PARM1: variants seen among roughly 807,000 people sequenced by gnomAD.
PARM1 encodes WSC4, cell wall integrity and stress response component 4 homolog.
In PARM1, 14 loss-of-function variants were observed where a neutral mutation model predicts 24.6. The ratio of observed to expected loss-of-function variants is 0.57; its 90% CI spans 0.38 to 0.89. PARM1 has a LOEUF of 0.89. PARM1 is among the 40% of genes least tolerant of loss of function. The pLI, the probability that PARM1 is intolerant of heterozygous loss-of-function variation, is 0.00. For synonymous variants in PARM1, 179 were observed against 156.6 expected, an observed-to-expected ratio of 1.14 and a Z score of -1.07; for missense variants, 362 against 380.4, an observed-to-expected ratio of 0.95 and a Z score of 0.40.
At chr4:74,936,608 C>T (rs1447576610) in intron 1 of PARM1, among the ~76,000 whole-genome samples, 1 of 151,884 alleles carries the variant, frequency 6.6e-6, no homozygotes, top group South Asian at 2.1e-4. Flanking sequence ...CGCCCGCCAC[C>T]ACACCCGTCT....
chr4:74,951,358 C>CT (rs1010160728), intron 1 of PARM1, among the ~76,000 whole-genome samples: 3 of 152,132 alleles, frequency 2.0e-5, no homozygotes, highest in Non-Finnish European at 2.9e-5. Flanking sequence ...GCCTCCTGCA[C>CT]TTTTTTTAGC....
chr4:75,029,149 AC>A (rs1311610235), intron 2 of PARM1, among the ~76,000 whole-genome samples: 2 of 152,134 alleles, frequency 1.3e-5, no homozygotes, highest in East Asian at 3.9e-4. Flanking sequence ...AAATGATGCC[AC>A]AGTTGATTCC....
Position 75,047,998 on chromosome 4 carries a change from T to C in PARM1, c.*1751T>C, listed in dbSNP as rs926481771. 6 of 152,194 alleles carry C rather than the reference T, an allele frequency of 3.9e-5. No homozygotes were observed. The highest frequency in any genetic ancestry group is 3.2e-3 in the Middle Eastern group (1 of 316). 9.4% of individuals were successfully genotyped at this position (152,194 alleles called of 1,614,324 possible). ...ACATTGGGTCCGACTTCAAAATGTG[T>C]TGTATTGTCCTACAGTGTCATAAAG... On this transcript the variant is annotated 3_prime_UTR_variant, in exon 4 of 4. Transcript: ENST00000307428.
intron 1 of PARM1, among the ~76,000 whole-genome samples, chr4:74,993,535 C>T (rs573936790): frequency 8.7e-4 from 132 of 152,094 alleles, no homozygotes; most frequent in Non-Finnish European, 1.6e-3. Flanking sequence ...TGTTATGCAG[C>T]CATGTATAAC....
chr4:74,935,729 G>A (rs1490981816), intron 1 of PARM1, among the ~76,000 whole-genome samples: 1 of 152,134 alleles, frequency 6.6e-6, no homozygotes, highest in East Asian at 1.9e-4. Context: ...TCCTCTCAAA[G>A]TATACATAGT....
intron 2 of PARM1, among the ~76,000 whole-genome samples, chr4:75,017,654 G>C (rs1723012378): frequency 6.6e-6 from 1 of 152,142 alleles, no homozygotes; most frequent in Non-Finnish European, 1.5e-5. Flanking sequence ...GTTAGTGTCT[G>C]TTTTCTGCCA....
intron 1 of PARM1, among the ~76,000 whole-genome samples, chr4:74,964,553 G>GCACACACACACACACACACACACACA (rs35380033): frequency 1.4e-5 from 2 of 143,294 alleles, no homozygotes; most frequent in African/African-American, 5.5e-5. Flanking sequence ...ACCTGGCAAA[G>GCACACACACACACACACACACACACA]CACACACACA....
At position 74,963,035 on chromosome 4, in the gene PARM1, T is replaced by A. The variant is rs574031212; in HGVS notation, c.43+29665T>A. Among the ~76,000 whole-genome samples the A allele has an allele frequency of 1.6e-4, 25 of 152,298 alleles. No individual in the cohort carries two copies. The East Asian group carries it at 4.2e-3, about 26-fold the overall frequency. The stretch of plus-strand genomic sequence containing the variant: ...ACAAGATCTGATGGTTTTATAAGCG[T>A]CTGGCATTTTCTCTGCTAGCACTCA... On this transcript the variant is annotated intron_variant, in intron 1 of 3. Coordinates refer to ENST00000307428, the MANE Select transcript of PARM1 (RefSeq NM_015393.4).
At chr4:75,017,676 C>T (rs766903403) in intron 2 of PARM1, among the ~76,000 whole-genome samples, 6 of 152,190 alleles carry the variant, frequency 3.9e-5, no homozygotes, top group Admixed American at 1.3e-4. Context: ...TAGACAGAGT[C>T]AGTGTCTGTT....
chr4:74,981,668 A>G (rs1202807028), intron 1 of PARM1, among the ~76,000 whole-genome samples: 4 of 152,060 alleles, frequency 2.6e-5, no homozygotes, highest in African/African-American at 9.7e-5. Context: ...TGAGGTCAGG[A>G]GTTCAAGACC....
chr4:75,010,696 A>G (rs1049450451), intron 1 of PARM1, among the ~76,000 whole-genome samples: 17 of 152,240 alleles, frequency 1.1e-4, no homozygotes, highest in African/African-American at 3.6e-4. Context: ...TAAGTACAAC[A>G]GAACACCTTT....
chr4:75,016,851 A>T (rs1722997644), intron 2 of PARM1, among the ~76,000 whole-genome samples: 1 of 152,098 alleles, frequency 6.6e-6, no homozygotes, highest in African/African-American at 2.4e-5. Flanking sequence ...TAACACTGAG[A>T]TGTAAAATTC....
intron 1 of PARM1, among the ~76,000 whole-genome samples, chr4:75,009,172 C>T (rs1043115807): frequency 1.3e-5 from 2 of 152,186 alleles, no homozygotes; most frequent in African/African-American, 4.8e-5. Flanking sequence ...GTCTGTCCTC[C>T]TCTTTACCAG....
rs1327511754 is a variant in PARM1, at chr4:75,012,444, G to T, written c.63G>T (p.Leu21=). 1.2e-6 allele frequency: 2 copies of T among 1,613,792 alleles called. No individual in the cohort carries two copies. Among genetic ancestry groups the T allele is most frequent in the Non-Finnish European group, 1.7e-6 (2 of 1,179,824 alleles). The change falls in exon 2 of 4, where the codon CTG becomes CTT. Residue 21 remains leucine (L), a synonymous_variant. Transcript: ENST00000307428. ...ILTAGWRVQS[L]PTSAPLSVSL... Reference sequence around the variant, plus strand: ...CCACAGGATGGAGGGTACAGAGTCTGCCTACATCAGCTCCTTTGTCTGTTT... The same window carrying T: ...CCACAGGATGGAGGGTACAGAGTCTTCCTACATCAGCTCCTTTGTCTGTTT...
intron 1 of PARM1, among the ~76,000 whole-genome samples, chr4:74,988,031 T>C (rs1343157458): frequency 6.6e-6 from 1 of 152,218 alleles, no homozygotes; most frequent in Non-Finnish European, 1.5e-5. Context: ...TCTTTTCCCT[T>C]GAGGACTTCA....
At chr4:74,939,443 A>G (rs1405534832) in intron 1 of PARM1, among the ~76,000 whole-genome samples, 1 of 152,136 alleles carries the variant, frequency 6.6e-6, no homozygotes, top group South Asian at 2.1e-4. Context: ...CTCTTCCTTT[A>G]TATAAAAAAG....
intron 1 of PARM1, among the ~76,000 whole-genome samples, chr4:74,950,234 C>T (rs2109984339): frequency 6.6e-6 from 1 of 152,334 alleles, no homozygotes; most frequent in East Asian, 1.9e-4. Flanking sequence ...CTTAAAACAA[C>T]AGAAACATAT....
chr4:74,938,845 C>T (rs112778845), intron 1 of PARM1, among the ~76,000 whole-genome samples: 10,175 of 152,152 alleles, frequency 0.067, 414 homozygotes, highest in Non-Finnish European at 0.088. Flanking sequence ...TAATAGAAGT[C>T]TTTAAAATGA....
intron 2 of PARM1, among the ~76,000 whole-genome samples, chr4:75,027,853 AACAGAAAGCAG>A (rs369724053): frequency 2.3e-3 from 350 of 152,364 alleles, no homozygotes; most frequent in African/African-American, 8.2e-3. Context: ...CTGGGCAGCT[AACAGAAAGCAG>A]ACAGAGGATG....
Sources: gnomAD v4.1 joint callset for allele counts (sites outside exome capture counted in the v4.1 genomes callset) on GRCh38, gnomAD v4.1.1 for gene constraint, MANE v1.5 for transcripts, NCBI Gene and HGNC (gene_info 2026-07-23, HGNC 2026-07-21) for gene names.